NEGR1: variants seen among roughly 807,000 people sequenced by gnomAD.
The protein encoded by NEGR1 is neuronal growth regulator 1.
Under a neutral mutation model 40.9 loss-of-function variants are expected in NEGR1, and 10 were observed. The ratio of observed to expected loss-of-function variants is 0.24; its 90% CI spans 0.15 to 0.42. The LOEUF (loss-of-function observed/expected upper bound fraction) is 0.42. NEGR1 is among the 10% of genes least tolerant of loss of function. The probability of loss-of-function intolerance (pLI) is 1.00; values close to 1 mark genes in which losing one functional copy is unlikely to be tolerated. For synonymous variants in NEGR1, 185 were observed against 166.8 expected, an observed-to-expected ratio of 1.11 and a Z score of -0.84; for missense variants, 352 against 438.9, an observed-to-expected ratio of 0.80 and a Z score of 1.77.
intron 6 of NEGR1, among the ~76,000 whole-genome samples, chr1:71,448,225 C>A (rs1281327590): frequency 2.0e-5 from 2 of 99,258 alleles, no homozygotes; most frequent in African/African-American, 7.1e-5. Flanking sequence ...GAAGTACCTT[C>A]TCTGAGAGAA....
At chr1:71,477,355 G>C (rs531142527) in intron 6 of NEGR1, 4 of 152,162 alleles carry the variant, frequency 2.6e-5, no homozygotes, top group Non-Finnish European at 5.9e-5. Flanking sequence ...TGTATGAAAA[G>C]CTATTTTTTC....
At chr1:71,940,894 T>C (rs995944465) in intron 1 of NEGR1, among the ~76,000 whole-genome samples, 3 of 152,158 alleles carry the variant, frequency 2.0e-5, no homozygotes, top group African/African-American at 7.2e-5. Context: ...AATTCTTTGT[T>C]GCACAGTCCA....
At chr1:72,011,586 A>G (rs913752891) in intron 1 of NEGR1, among the ~76,000 whole-genome samples, 1 of 152,168 alleles carries the variant, frequency 6.6e-6, no homozygotes, top group Non-Finnish European at 1.5e-5. Flanking sequence ...ATGAGCCACA[A>G]TATTTGCCCT....
intron 1 of NEGR1, among the ~76,000 whole-genome samples, chr1:72,061,331 C>A (rs1346346427): frequency 6.6e-6 from 1 of 151,624 alleles, no homozygotes; most frequent in Non-Finnish European, 1.5e-5. Context: ...CAGCAGTGTG[C>A]AATTATCTCA....
Position 71,770,574 on chromosome 1 carries a change from A to T in NEGR1, c.535+5598T>A, listed in dbSNP as rs184766203. Among the ~76,000 whole-genome samples, 897 of 152,348 alleles carry T rather than the reference A, an allele frequency of 5.9e-3. 3 individuals are homozygous for T. The highest frequency in any genetic ancestry group is 0.011 in the Non-Finnish European group (751 of 68,018). On this transcript the variant is annotated intron_variant, in intron 3 of 6. Transcript: ENST00000357731. ...TGATTCCAGAAGTAAGGCAGAAAATATGAGCCTGTTGTATTTTCTTATGCC... is the reference window on the plus strand; with the variant it reads ...TGATTCCAGAAGTAAGGCAGAAAATTTGAGCCTGTTGTATTTTCTTATGCC...
chr1:71,708,528 A>G (rs900962530), intron 3 of NEGR1, among the ~76,000 whole-genome samples: 12 of 152,160 alleles, frequency 7.9e-5, no homozygotes, highest in Non-Finnish European at 1.8e-4. Context: ...ACCATACAAG[A>G]TCCAGAATAG....
intron 1 of NEGR1, among the ~76,000 whole-genome samples, chr1:72,122,185 T>C (rs1345296887): frequency 6.6e-6 from 1 of 151,994 alleles, no homozygotes; most frequent in Non-Finnish European, 1.5e-5. Context: ...ACAGATAAAT[T>C]AGAACATGCT....
At chr1:71,928,125 T>C (rs1202580534) in intron 2 of NEGR1, among the ~76,000 whole-genome samples, 1 of 8,054 alleles carries the variant, frequency 1.2e-4, no homozygotes, top group Admixed American at 1.6e-3. Context: ...TATGTATATA[T>C]ACACACATAT....
At chr1:72,089,192 T>C (rs1231317128) in intron 1 of NEGR1, among the ~76,000 whole-genome samples, 1 of 152,114 alleles carries the variant, frequency 6.6e-6, no homozygotes, top group African/African-American at 2.4e-5. Flanking sequence ...CATACTTGTA[T>C]AAAAAGCTTG....
intron 1 of NEGR1, among the ~76,000 whole-genome samples, chr1:72,247,740 C>T (rs1246979392): frequency 1.3e-5 from 2 of 152,174 alleles, no homozygotes; most frequent in African/African-American, 4.8e-5. Context: ...GCCCATTCCA[C>T]GTTTTCAGGT....
chr1:72,214,889 C>T (rs1448860062), intron 1 of NEGR1, among the ~76,000 whole-genome samples: 6 of 150,928 alleles, frequency 4.0e-5, no homozygotes, highest in African/African-American at 1.2e-4. Flanking sequence ...CATATGGAAC[C>T]AAAAAAGAGT....
In NEGR1 at chr1:71,479,706, T is replaced by C. The variant is rs186699342; in HGVS notation, c.941-72136A>G. On this transcript the variant is annotated intron_variant, in intron 6 of 6. Coordinates refer to ENST00000357731, the MANE Select transcript of NEGR1 (RefSeq NM_173808.3). ...TTAAACATCTCTTGCATAAAATCTTTATTTATAGGTATTAGATCTACTTTA... is the reference window on the plus strand; with the variant it reads ...TTAAACATCTCTTGCATAAAATCTTCATTTATAGGTATTAGATCTACTTTA... Among the ~76,000 whole-genome samples the C allele has an allele frequency of 5.5e-3, 830 of 152,122 alleles. 7 individuals are homozygous for C. The highest frequency in any genetic ancestry group is 7.1e-3 in the Non-Finnish European group (483 of 67,964).
chr1:71,558,541 T>G (rs1376464095), intron 6 of NEGR1, among the ~76,000 whole-genome samples: 1 of 151,500 alleles, frequency 6.6e-6, no homozygotes, highest in Non-Finnish European at 1.5e-5. Flanking sequence ...ATAATTTATA[T>G]CAGTATGGAC....
At chr1:71,638,863 C>T (rs1002540335) in intron 4 of NEGR1, among the ~76,000 whole-genome samples, 1 of 151,798 alleles carries the variant, frequency 6.6e-6, no homozygotes, top group Non-Finnish European at 1.5e-5. Flanking sequence ...CCCTTTTCCC[C>T]CATATTCAAA....
chr1:71,482,641 A>G (rs1191482259), intron 6 of NEGR1, among the ~76,000 whole-genome samples: 1 of 151,820 alleles, frequency 6.6e-6, no homozygotes. Flanking sequence ...CAATGTTTTG[A>G]TATTTATTAC....
At chr1:72,155,000 G>C (rs1651307509) in intron 1 of NEGR1, among the ~76,000 whole-genome samples, 1 of 151,804 alleles carries the variant, frequency 6.6e-6, no homozygotes, top group Non-Finnish European at 1.5e-5. Context: ...TTGTCCCCTA[G>C]TGAAAAAAAT....
At position 71,556,283 on chromosome 1, in the gene NEGR1, T is replaced by C. The variant is rs1570026149; in HGVS notation, c.940+36534A>G. On this transcript the variant is annotated intron_variant, in intron 6 of 6. Transcript: ENST00000357731. ...TTTTTATGAAATATTTCTGCAAACT[T>C]TTCTGCCTTACATGTCTAAAACAAT... Among the ~76,000 whole-genome samples, 3 of 151,576 alleles carry C rather than the reference T, an allele frequency of 2.0e-5. No homozygotes were observed. In the South Asian group the frequency reaches 6.2e-4, roughly 31 times the overall value.
intron 5 of NEGR1, among the ~76,000 whole-genome samples, chr1:71,610,221 C>T (rs750703802): frequency 3.9e-5 from 6 of 152,154 alleles, no homozygotes; most frequent in East Asian, 1.9e-4. Flanking sequence ...TTTTTGACTT[C>T]GAAAGTGGGA....
intron 2 of NEGR1, among the ~76,000 whole-genome samples, chr1:71,807,172 AG>A: frequency 6.6e-6 from 1 of 152,202 alleles, no homozygotes; most frequent in Non-Finnish European, 1.5e-5. Flanking sequence ...CTGGGATTAC[AG>A]GTGTGAGCCA....
Sources: gnomAD v4.1 joint callset for allele counts (sites outside exome capture counted in the v4.1 genomes callset) on GRCh38, gnomAD v4.1.1 for gene constraint, MANE v1.5 for transcripts, NCBI Gene and HGNC (gene_info 2026-07-23, HGNC 2026-07-21) for gene names.